Variants in ZNF536 observed in about 807,000 individuals in gnomAD.
ZNF536 encodes zinc finger protein 536.
ZNF536 carries 13 observed loss-of-function variants against 84.5 expected under a neutral mutation model. The observed-to-expected ratio is 0.15, with a 90% CI of 0.10 to 0.24. ZNF536 has a LOEUF of 0.24. ZNF536 is among the 10% of genes least tolerant of loss of function. The pLI is 1.00. For synonymous variants in ZNF536, 811 were observed against 742.5 expected (o/e 1.09, Z -1.50); for missense variants, 1,536 against 1,747.5 (o/e 0.88, Z 2.16).
At chr19:30,289,759 G>C (rs999779590) in intron 2 of ZNF536, among the ~76,000 whole-genome samples, 4 of 152,206 alleles carry the variant, frequency 2.6e-5, no homozygotes, top group Admixed American at 2.0e-4. Flanking sequence ...AGGGGTGTTT[G>C]TTACGTTGCT....
chr19:30,374,906 G>T (rs2048752765), intron 1 of ZNF536, among the ~76,000 whole-genome samples: 1 of 151,746 alleles, frequency 6.6e-6, no homozygotes. Flanking sequence ...CCGGAAGAGC[G>T]CCCCATTCAC....
chr19:30,573,752 G>T (rs949634466), intron 1 of ZNF536, among the ~76,000 whole-genome samples: 2 of 152,146 alleles, frequency 1.3e-5, no homozygotes, highest in East Asian at 1.9e-4. Flanking sequence ...CCTGGAAAAC[G>T]TGGGCCAATC....
intron 2 of ZNF536, among the ~76,000 whole-genome samples, chr19:30,311,582 T>C (rs2046505760): frequency 6.6e-6 from 1 of 152,164 alleles, no homozygotes; most frequent in Non-Finnish European, 1.5e-5. Context: ...CTATTATTTG[T>C]TTAATATTTT....
intron 1 of ZNF536, among the ~76,000 whole-genome samples, chr19:30,575,381 C>T (rs918593231): frequency 2.4e-4 from 36 of 152,190 alleles, no homozygotes; most frequent in Admixed American, 2.3e-3. Context: ...GGTGGCTGGA[C>T]ACCACCCCTC....
chr19:30,410,465 C>CT lies in ZNF536; in HGVS notation c.-2-33069dup, dbSNP rs201561646. On this transcript the variant is annotated intron_variant, in intron 1 of 4. Coordinates refer to ENST00000355537, the MANE Select transcript of ZNF536 (RefSeq NM_014717.3). ...TAAATAAACAATGAAAAGTGAAGGT[C>CT]TTTTTTTTTTTTTTTTTTTTTTTTT... is the stretch of plus-strand genomic sequence containing the variant. 3.4e-3 allele frequency among the ~76,000 whole-genome samples: 412 copies of CT among 122,540 alleles called. 98 individuals are homozygous for CT. Among genetic ancestry groups the CT allele is most frequent in the Middle Eastern group, 0.017 (3 of 178 alleles). The allele number at this position is 122,540 out of a possible 152,430, so 80.4% of individuals were successfully genotyped here.
chr19:30,563,835 G>A (rs1443803619), intron 1 of ZNF536, among the ~76,000 whole-genome samples: 2 of 152,190 alleles, frequency 1.3e-5, no homozygotes, highest in Non-Finnish European at 2.9e-5. Context: ...GGATTCCTAA[G>A]GGCCCCTTGC....
chr19:30,239,218 T>G (rs1391289276), intron 1 of ZNF536, among the ~76,000 whole-genome samples: 1 of 152,202 alleles, frequency 6.6e-6, no homozygotes, highest in African/African-American at 2.4e-5. Flanking sequence ...GTCCTGTCAA[T>G]GACCCTCTAG....
downstream of ZNF536, among the ~76,000 whole-genome samples, chr19:30,560,900 C>T (rs2046139963): frequency 6.6e-6 from 1 of 152,236 alleles, no homozygotes; most frequent in Non-Finnish European, 1.5e-5. Context: ...GCAGATTCTG[C>T]CTCTGGAGCA....
intron 1 of ZNF536, among the ~76,000 whole-genome samples, chr19:30,647,143 T>G (rs2049505095): frequency 6.6e-6 from 1 of 152,210 alleles, no homozygotes; most frequent in Non-Finnish European, 1.5e-5. Flanking sequence ...ATTCTATTAG[T>G]TTTGTTACGT....
At position 30,394,105 on chromosome 19, in the gene ZNF536, A is replaced by G. The variant is rs1347438755; in HGVS notation, c.-3+21549A>G. Among the ~76,000 whole-genome samples, 5 of 152,288 alleles carry G rather than the reference A, an allele frequency of 3.3e-5. No homozygotes were observed. The East Asian group carries it at 9.7e-4, about 29-fold the overall frequency. On this transcript the variant is annotated intron_variant, in intron 1 of 4. Transcript: ENST00000355537. Reference sequence around the variant, plus strand: ...GCAGCTCTCTATCAGATCAGTGAGCAAGCCTCAGTGACTCACACTGGAGGC... The same window carrying G: ...GCAGCTCTCTATCAGATCAGTGAGCGAGCCTCAGTGACTCACACTGGAGGC...
intron 2 of ZNF536, among the ~76,000 whole-genome samples, chr19:30,291,074 T>A (rs576410378): frequency 2.3e-4 from 35 of 152,334 alleles, no homozygotes; most frequent in African/African-American, 8.2e-4. Flanking sequence ...ACATTTTCTT[T>A]ATCCAGTCTA....
At chr19:30,484,584 C>T (rs149083223) in intron 2 of ZNF536, among the ~76,000 whole-genome samples, 66 of 151,834 alleles carry the variant, frequency 4.3e-4, no homozygotes, top group African/African-American at 1.5e-3. Flanking sequence ...CTTGTTCTTT[C>T]TCTGTGCTCT....
intron 2 of ZNF536, among the ~76,000 whole-genome samples, chr19:30,321,121 G>A (rs1305679540): frequency 2.6e-5 from 4 of 152,144 alleles, no homozygotes; most frequent in Admixed American, 6.5e-5. Flanking sequence ...GCTGTGTGAC[G>A]CTGCAACCCC....
At chr19:30,682,703 C>G (rs1039541170) in intron 1 of ZNF536, among the ~76,000 whole-genome samples, 1 of 152,164 alleles carries the variant, frequency 6.6e-6, no homozygotes, top group Non-Finnish European at 1.5e-5. Flanking sequence ...CCCCTCAGCC[C>G]GGAGGGGAAA....
chr19:30,345,252 C>T lies in ZNF536; in HGVS notation c.-119-7116C>T, dbSNP rs571421205. Among the ~76,000 whole-genome samples the T allele has an allele frequency of 2.0e-4, 31 of 151,746 alleles. No homozygotes were observed. The South Asian group carries it at 6.3e-3, about 31-fold the overall frequency. ...ACCACGCCCCGGGGGCTCCCCCCAG[C>T]ATGAGTGCACTCAGCTCCTTTCTCT... On this transcript the variant is annotated intron_variant, in intron 2 of 5. Coordinates refer to the ZNF536 transcript ENST00000585628.
chr19:30,328,571 T>G (rs889382581), intron 2 of ZNF536, among the ~76,000 whole-genome samples: 1 of 152,264 alleles, frequency 6.6e-6, no homozygotes, highest in Non-Finnish European at 1.5e-5. Flanking sequence ...CACGTAGCCC[T>G]AACTAATCAC....
At chr19:30,703,758 G>A (rs1230198577) in intron 1 of ZNF536, among the ~76,000 whole-genome samples, 1 of 152,186 alleles carries the variant, frequency 6.6e-6, no homozygotes, top group Non-Finnish European at 1.5e-5. Context: ...ATCACCAGCA[G>A]CCGACATCTT....
chr19:30,387,094 A>C (rs1169285653), intron 1 of ZNF536, among the ~76,000 whole-genome samples: 1 of 152,202 alleles, frequency 6.6e-6, no homozygotes, highest in Non-Finnish European at 1.5e-5. Context: ...CACACAGAGA[A>C]AAGGTGTTTG....
chr19:30,322,369 T>C (rs539457952), intron 2 of ZNF536, among the ~76,000 whole-genome samples: 2 of 152,336 alleles, frequency 1.3e-5, no homozygotes, highest in African/African-American at 4.8e-5. Flanking sequence ...TTTTGGGTGA[T>C]TTCCTTAAGC....
Sources: gnomAD v4.1 joint callset for allele counts (sites outside exome capture counted in the v4.1 genomes callset) on GRCh38, gnomAD v4.1.1 for gene constraint, MANE v1.5 for transcripts, NCBI Gene and HGNC (gene_info 2026-07-23, HGNC 2026-07-21) for gene names.